CLASP1: variants seen among roughly 807,000 people sequenced by gnomAD.
The protein encoded by CLASP1 is cytoplasmic linker associated protein 1.
In CLASP1, 38 loss-of-function variants were observed where a neutral mutation model predicts 192.3. The ratio of observed to expected loss-of-function variants is 0.20; its 90% CI spans 0.15 to 0.26. CLASP1 has a LOEUF of 0.26. Among genes scored for constraint, CLASP1 ranks in the 10% least tolerant of loss-of-function variants. The pLI is 1.00. For missense variants in CLASP1, 1,433 were observed against 1,932.5 expected (o/e 0.74, Z 4.85); for synonymous variants, 691 against 712.8 (o/e 0.97, Z 0.49).
intron 7 of CLASP1, among the ~76,000 whole-genome samples, chr2:121,508,214 T>G (rs924754047): frequency 6.6e-6 from 1 of 151,728 alleles, no homozygotes; most frequent in Non-Finnish European, 1.5e-5. Context: ...TATAAAGATG[T>G]AATTTGCATG....
chr2:121,374,772 T>C (rs576347275), intron 34 of CLASP1, among the ~76,000 whole-genome samples: 2 of 152,360 alleles, frequency 1.3e-5, no homozygotes, highest in African/African-American at 2.4e-5. Context: ...TCCCTTTGTT[T>C]TGGCCAATTT....
At chr2:121,560,343 C>A (rs1366547973) in intron 2 of CLASP1, among the ~76,000 whole-genome samples, 1 of 152,140 alleles carries the variant, frequency 6.6e-6, no homozygotes, top group Non-Finnish European at 1.5e-5. Flanking sequence ...AACTTACATG[C>A]AATGTTTGTG....
intron 23 of CLASP1, among the ~76,000 whole-genome samples, chr2:121,417,726 A>C (rs960003718): frequency 3.3e-5 from 5 of 152,236 alleles, no homozygotes; most frequent in Non-Finnish European, 5.9e-5. Flanking sequence ...ACCGACACTG[A>C]TTAGGGAAAA....
At chr2:121,490,930 C>T (rs2150147425) in intron 8 of CLASP1, among the ~76,000 whole-genome samples, 1 of 152,284 alleles carries the variant, frequency 6.6e-6, no homozygotes, top group East Asian at 1.9e-4. Context: ...ACAATCATTG[C>T]TTTTAAAGGA....
intron 2 of CLASP1, chr2:121,530,776 G>T (rs1040445493): frequency 3.6e-6 from 2 of 561,352 alleles, no homozygotes; most frequent in Non-Finnish European, 6.5e-6. Flanking sequence ...GAGGCTGGAG[G>T]TAAGCTAGCT....
chr2:121,538,720 G>C (rs187712850), intron 2 of CLASP1, among the ~76,000 whole-genome samples: 1 of 151,296 alleles, frequency 6.6e-6, no homozygotes, highest in Non-Finnish European at 1.5e-5. Flanking sequence ...AGGAAGCAGA[G>C]GTTGCAGTGA....
At chr2:121,444,246 A>G (rs1170124797) in intron 19 of CLASP1, among the ~76,000 whole-genome samples, 2 of 152,212 alleles carry the variant, frequency 1.3e-5, no homozygotes, top group Non-Finnish European at 2.9e-5. Context: ...GTGGATCTGG[A>G]TATGCCTATT....
Position 121,377,593 on chromosome 2 carries a change from C to T in CLASP1, c.3548G>A (p.Arg1183His), listed in dbSNP as rs752571395. Residue 1183 changes from arginine to histidine, a missense_variant, in exon 34 of 40, where the codon CGT becomes CAT. Physicochemically the swap from Arg to His is conservative, Grantham distance 29. Transcript: ENST00000263710. Reference sequence around the variant, plus strand: ...CTTTTCAATGGCTTCTGTAACTCCACGTAGAGAACTATAGATTTCTTCAGA... The same window carrying T: ...CTTTTCAATGGCTTCTGTAACTCCATGTAGAGAACTATAGATTTCTTCAGA... 14 of 1,594,460 alleles carry T rather than the reference C, an allele frequency of 8.8e-6. No individual in the cohort carries two copies. The highest frequency in any genetic ancestry group is 2.7e-5 in the African/African-American group (2 of 74,700).
At chr2:121,606,943 C>G (rs182118651) in intron 1 of CLASP1, among the ~76,000 whole-genome samples, 125 of 151,876 alleles carry the variant, frequency 8.2e-4, no homozygotes, top group African/African-American at 2.9e-3. Context: ...GTAGTCCCAG[C>G]TACTCGGGAG....
chr2:121,531,054 C>T (rs192603981), intron 2 of CLASP1: 90 of 696,738 alleles, frequency 1.3e-4, no homozygotes, highest in Admixed American at 4.4e-4. Context: ...AGCAGTAATT[C>T]GTAAATAAAC....
At chr2:121,482,409 C>T (rs1042335918) in intron 8 of CLASP1, among the ~76,000 whole-genome samples, 1 of 152,106 alleles carries the variant, frequency 6.6e-6, no homozygotes, top group African/African-American at 2.4e-5. Flanking sequence ...ACTGGAGGCC[C>T]AGTTTAAGTT....
chr2:121,389,707 A>G (rs2074008323), intron 30 of CLASP1, among the ~76,000 whole-genome samples: 1 of 152,204 alleles, frequency 6.6e-6, no homozygotes, highest in Non-Finnish European at 1.5e-5. Flanking sequence ...TTTAAGAGAC[A>G]ATATTTCTTC....
At chr2:121,519,455 T>C (rs1172169172) in intron 6 of CLASP1, among the ~76,000 whole-genome samples, 1 of 152,186 alleles carries the variant, frequency 6.6e-6, no homozygotes, top group African/African-American at 2.4e-5. Context: ...CACAGAGGAA[T>C]GGTAGCACAG....
intron 1 of CLASP1, among the ~76,000 whole-genome samples, chr2:121,611,550 A>G (rs2065494380): frequency 8.3e-6 from 1 of 120,122 alleles, no homozygotes; most frequent in African/African-American, 3.3e-5. Context: ...AGAAAGAGGA[A>G]CTGGAGGAGG....
intron 14 of CLASP1, among the ~76,000 whole-genome samples, chr2:121,455,021 G>A (rs2086318856): frequency 6.6e-6 from 1 of 152,192 alleles, no homozygotes; most frequent in African/African-American, 2.4e-5. Context: ...GTCAGGTTCT[G>A]AAGTTCATAA....
intron 6 of CLASP1, among the ~76,000 whole-genome samples, chr2:121,516,165 G>A (rs1286539837): frequency 6.6e-6 from 1 of 152,152 alleles, no homozygotes; most frequent in Admixed American, 6.5e-5. Context: ...AATACTTAAT[G>A]AGCAACAAAA....
At chr2:121,509,801 G>A (rs2094065420) in intron 7 of CLASP1, among the ~76,000 whole-genome samples, 1 of 152,064 alleles carries the variant, frequency 6.6e-6, no homozygotes, top group Non-Finnish European at 1.5e-5. Context: ...CTGTACTACT[G>A]CACTCCAGCC....
intron 1 of CLASP1, among the ~76,000 whole-genome samples, chr2:121,639,406 T>C (rs990503084): frequency 6.6e-6 from 1 of 152,032 alleles, no homozygotes; most frequent in African/African-American, 2.4e-5. Context: ...AGTCAGAAAG[T>C]AGATCAGAGG....
At chr2:121,620,467 A>T (rs1461793596) in intron 1 of CLASP1, among the ~76,000 whole-genome samples, 1 of 151,822 alleles carries the variant, frequency 6.6e-6, no homozygotes, top group Non-Finnish European at 1.5e-5. Context: ...CTCCCACCTT[A>T]GCATTCCAAG....
Sources: gnomAD v4.1 joint callset for allele counts (sites outside exome capture counted in the v4.1 genomes callset) on GRCh38, gnomAD v4.1.1 for gene constraint, MANE v1.5 for transcripts, NCBI Gene and HGNC (gene_info 2026-07-23, HGNC 2026-07-21) for gene names.